Variants in KCNH8 observed in about 807,000 individuals in gnomAD.
KCNH8 encodes potassium voltage-gated channel subfamily H member 8.
In KCNH8, 70 loss-of-function variants were observed where a neutral mutation model predicts 103.6. The observed-to-expected ratio is 0.68, with a 90% CI of 0.56 to 0.82. The LOEUF is 0.82. Among genes scored for constraint, KCNH8 ranks in the 40% least tolerant of loss-of-function variants. The pLI is 0.00. For synonymous variants in KCNH8, 498 were observed against 489.4 expected (o/e 1.02, Z -0.23); for missense variants, 1,217 against 1,329.9 (o/e 0.92, Z 1.32).
At chr3:19,158,894 CT>C in intron 1 of KCNH8, among the ~76,000 whole-genome samples, 1 of 151,966 alleles carries the variant, frequency 6.6e-6, no homozygotes, top group South Asian at 2.1e-4. Flanking sequence ...GCAACTCTTA[CT>C]TTTTCCCTTT....
intron 11 of KCNH8, among the ~76,000 whole-genome samples, chr3:19,479,269 T>C (rs1313371484): frequency 6.6e-6 from 1 of 152,184 alleles, no homozygotes; most frequent in Non-Finnish European, 1.5e-5. Context: ...AACTTGTACT[T>C]CTGTATCAGA....
chr3:19,357,598 C>G (rs2125326882), intron 5 of KCNH8, among the ~76,000 whole-genome samples: 1 of 151,922 alleles, frequency 6.6e-6, no homozygotes. Flanking sequence ...TGTCATTTTA[C>G]TGTGAGACTA....
intron 1 of KCNH8, among the ~76,000 whole-genome samples, chr3:19,229,989 G>T (rs1015548375): frequency 4.6e-5 from 7 of 151,802 alleles, no homozygotes; most frequent in African/African-American, 1.7e-4. Context: ...GGACTTAACA[G>T]TTCCACGTAG....
intron 11 of KCNH8, among the ~76,000 whole-genome samples, chr3:19,470,406 G>T (rs2067831346): frequency 6.6e-6 from 1 of 152,016 alleles, no homozygotes; most frequent in Non-Finnish European, 1.5e-5. Context: ...CAGTAGACTT[G>T]CCATCTTATT....
chr3:19,308,459 A>G lies in KCNH8; in HGVS notation c.442+27130A>G, dbSNP rs75738350. Among the ~76,000 whole-genome samples the G allele has an allele frequency of 6.3e-3, 964 of 151,998 alleles. 6 individuals are homozygous for G. Among genetic ancestry groups the G allele is most frequent in the African/African-American group, 0.022 (894 of 41,502 alleles). On this transcript the variant is annotated intron_variant, in intron 3 of 15. Coordinates refer to ENST00000328405, the MANE Select transcript of KCNH8 (RefSeq NM_144633.3). ...TTACCTTGGGAAGAAGGATATTTCA[A>G]GGTTTGTCCATTCAAAAAAATAAAA...
At chr3:19,432,094 C>T (rs1163656187) in intron 7 of KCNH8, among the ~76,000 whole-genome samples, 1 of 151,978 alleles carries the variant, frequency 6.6e-6, no homozygotes, top group Non-Finnish European at 1.5e-5. Context: ...GTAAACAAAA[C>T]CCAGTGAACT....
intron 11 of KCNH8, among the ~76,000 whole-genome samples, chr3:19,489,555 T>A (rs1013636850): frequency 2.6e-5 from 4 of 152,150 alleles, no homozygotes; most frequent in Non-Finnish European, 5.9e-5. Flanking sequence ...GTACCTGTAA[T>A]GCTGGCCAGT....
At chr3:19,514,467 C>T (rs1049997586) in intron 13 of KCNH8, among the ~76,000 whole-genome samples, 3 of 151,832 alleles carry the variant, frequency 2.0e-5, no homozygotes, top group South Asian at 2.1e-4. Context: ...TTATATACAA[C>T]ATAATCTTAC....
In KCNH8 at chr3:19,205,903, C is replaced by T. The variant is rs181639332; in HGVS notation, c.77-47751C>T. ...GTGGTGATTTGTGAGATTTTTAGTGCACCCATTACCTGAGCAGTATACACT... is the reference window on the plus strand; with the variant it reads ...GTGGTGATTTGTGAGATTTTTAGTGTACCCATTACCTGAGCAGTATACACT... On this transcript the variant is annotated intron_variant, in intron 1 of 15. Transcript: ENST00000328405. Among the ~76,000 whole-genome samples the T allele has an allele frequency of 4.3e-3, 659 of 151,782 alleles. 2 individuals carry two copies. Among genetic ancestry groups the T allele is most frequent in the African/African-American group, 0.015 (619 of 41,384 alleles).
At chr3:19,254,215 G>T (rs2064317428) in intron 2 of KCNH8, among the ~76,000 whole-genome samples, 1 of 151,596 alleles carries the variant, frequency 6.6e-6, no homozygotes, top group African/African-American at 2.4e-5. Flanking sequence ...ATAGTTATTT[G>T]TATATTAATA....
At chr3:19,292,054 G>A (rs2064936070) in intron 3 of KCNH8, among the ~76,000 whole-genome samples, 1 of 152,136 alleles carries the variant, frequency 6.6e-6, no homozygotes, top group Admixed American at 6.6e-5. Flanking sequence ...TTTCACAGCA[G>A]TTCATTCATT....
At chr3:19,510,653 T>C (rs1418457477) in intron 12 of KCNH8, among the ~76,000 whole-genome samples, 2 of 152,180 alleles carry the variant, frequency 1.3e-5, no homozygotes, top group East Asian at 3.9e-4. Flanking sequence ...AAATGTAAAG[T>C]CCTAAGGTGT....
chr3:19,443,740 CA>C (rs1165346193), intron 8 of KCNH8, among the ~76,000 whole-genome samples: 2 of 151,188 alleles, frequency 1.3e-5, no homozygotes, highest in Non-Finnish European at 3.0e-5. Context: ...GATCAATATG[CA>C]AAAAATCAAT....
At chr3:19,305,120 T>C (rs2065114147) in intron 3 of KCNH8, among the ~76,000 whole-genome samples, 1 of 151,480 alleles carries the variant, frequency 6.6e-6, no homozygotes. Context: ...AAAAAAGTGC[T>C]ATACGAAGGA....
intron 15 of KCNH8, 62 bp downstream of exon 15, chr3:19,518,136 C>T: frequency 2.3e-6 from 3 of 1,320,928 alleles, no homozygotes; most frequent in Middle Eastern, 1.8e-4. Context: ...CCTAGTTACT[C>T]GCAGAAGCAG....
intron 15 of KCNH8, among the ~76,000 whole-genome samples, chr3:19,524,235 T>C (rs1438328078): frequency 6.6e-6 from 1 of 151,918 alleles, no homozygotes; most frequent in Non-Finnish European, 1.5e-5. Context: ...GATTTGTCTA[T>C]ATAGGCTTTT....
At chr3:19,260,540 A>G (rs2064420361) in intron 2 of KCNH8, among the ~76,000 whole-genome samples, 1 of 129,520 alleles carries the variant, frequency 7.7e-6, no homozygotes, top group Admixed American at 8.0e-5. Context: ...ATATAGTAAA[A>G]TGGTTACTGG....
At chr3:19,457,131 TA>T in intron 11 of KCNH8, 149 bp downstream of exon 11, 1 of 566,426 alleles carries the variant, frequency 1.8e-6, no homozygotes, top group Non-Finnish European at 3.1e-6. Flanking sequence ...AGCAATTAAA[TA>T]ATTAGCGAGA....
In KCNH8 at chr3:19,533,866, T is replaced by C; in HGVS notation, c.3091T>C (p.Ser1031Pro). The change falls in exon 16 of 16, where the codon TCA becomes CCA. Residue 1031 changes from serine to proline, a missense_variant. This residue lies in a region of KCNH8 where 558 missense variants were observed against 495.8 expected (regional missense o/e 1.13). Coordinates refer to ENST00000328405, the MANE Select transcript of KCNH8 (RefSeq NM_144633.3). ...TCTGCAGTCCATTTCAGCAACTCTC[T>C]CATCTTCTGTCTGCTCCTCTTCGGA... ...TPLQSISATLSSSVCSSSETS... is the reference protein window; with the variant it reads ...TPLQSISATLPSSVCSSSETS... The C allele has an allele frequency of 1.2e-6, 2 of 1,614,186 alleles. No individual in the cohort carries two copies. The highest frequency in any genetic ancestry group is 1.7e-6 in the Non-Finnish European group (2 of 1,180,014).
Sources: gnomAD v4.1 joint callset for allele counts (sites outside exome capture counted in the v4.1 genomes callset) on GRCh38, gnomAD v4.1.1 for gene constraint, gnomAD v4.1.1 regional missense constraint, MANE v1.5 for transcripts, NCBI Gene and HGNC (gene_info 2026-07-23, HGNC 2026-07-21) for gene names.